The following KHDC4 variants were observed in gnomAD, a reference collection of about 807,000 sequenced individuals.
The protein encoded by KHDC4 is KH homology domain-containing protein 4.
In KHDC4, 19 loss-of-function variants were observed where a neutral mutation model predicts 74.5. The observed-to-expected ratio is 0.26, with a 90% CI of 0.18 to 0.37. KHDC4 has a LOEUF of 0.37. Among genes scored for constraint, KHDC4 ranks in the 10% least tolerant of loss-of-function variants. The pLI, the probability that KHDC4 is intolerant of heterozygous loss-of-function variation, is 1.00. For synonymous variants in KHDC4, 253 were observed against 266.1 expected, an observed-to-expected ratio of 0.95 and a Z score of 0.48; for missense variants, 632 against 754.1, an observed-to-expected ratio of 0.84 and a Z score of 1.90.
chr1:155,918,224 A>G (rs2102597880), intron 10 of KHDC4, among the ~76,000 whole-genome samples: 1 of 152,232 alleles, frequency 6.6e-6, no homozygotes, highest in South Asian at 2.1e-4. Context: ...AGCAATGGTA[A>G]TACGTGTTTT....
chr1:155,924,859 C>T (rs1305833375), intron 7 of KHDC4, among the ~76,000 whole-genome samples: 1 of 151,580 alleles, frequency 6.6e-6, no homozygotes, highest in African/African-American at 2.4e-5. Context: ...CAGGTGTGAG[C>T]CACCGCACCT....
chr1:155,919,644 A>G (rs1040027615), intron 10 of KHDC4, among the ~76,000 whole-genome samples: 9 of 152,166 alleles, frequency 5.9e-5, no homozygotes, highest in African/African-American at 2.2e-4. Context: ...CCCCATCTCC[A>G]CTAAAAATAC....
chr1:155,932,116 A>G (rs1247800885), intron 2 of KHDC4, among the ~76,000 whole-genome samples: 1 of 152,194 alleles, frequency 6.6e-6, no homozygotes, highest in Non-Finnish European at 1.5e-5. Context: ...GGAGCCTGAG[A>G]GTATTTAATT....
At chr1:155,924,999 G>C (rs1321171711) in intron 7 of KHDC4, among the ~76,000 whole-genome samples, 1 of 149,310 alleles carries the variant, frequency 6.7e-6, no homozygotes, top group East Asian at 2.0e-4. Flanking sequence ...GAGCAGCTGG[G>C]ATTAAGGTGT....
intron 8 of KHDC4, among the ~76,000 whole-genome samples, chr1:155,922,279 G>A (rs1673885084): frequency 6.6e-6 from 1 of 151,700 alleles, no homozygotes; most frequent in Admixed American, 6.6e-5. Context: ...CCAAGTAGCT[G>A]GGACTACAGG....
At position 155,921,810 on chromosome 1, in the gene KHDC4, A is replaced by C. The variant is rs760395833; in HGVS notation, c.1012+51T>G. On this transcript the variant is annotated intron_variant, in intron 9 of 13. Transcript: ENST00000368321. ...GTCTAGCCTCAAGTATCATAGTTAC[A>C]CATAACTATCACTAGCAAAATATTT... 14 of 1,421,408 alleles carry C rather than the reference A, an allele frequency of 9.8e-6. No individual in the cohort carries two copies. The Admixed American group carries it at 1.2e-4, about 13-fold the overall frequency. 88.0% of individuals were successfully genotyped at this position (1,421,408 alleles called of 1,614,324 possible). A position where few individuals can be genotyped will look rare whatever the true frequency, so the allele number is the denominator to read the frequency against.
rs895435395 is a variant in KHDC4, at chr1:155,921,863, G to A, written c.1010C>T (p.Pro337Leu). 6.2e-7 allele frequency: 1 copy of A among 1,600,138 alleles called. No homozygotes were observed. The highest frequency in any genetic ancestry group is 8.6e-7 in the Non-Finnish European group (1 of 1,169,478). ...TAAACACTTCAAGATGTACACACCT[G>A]GTAAAGGTACAGCAGTATTAATCTG... ...VNQINTAVPL[P>L]GYTQPSAISS... Residue 337 changes from proline (P) to leucine (L), a missense_variant and splice_region_variant, in exon 9 of 14, where the codon CCA (proline) becomes CTA (leucine). Around this residue, in one of 4 missense-constraint regions of KHDC4, gnomAD observed 233 missense variants for 342.6 expected, o/e 0.68. Coordinates refer to ENST00000368321, the MANE Select transcript of KHDC4 (RefSeq NM_014949.4).
intron 10 of KHDC4, among the ~76,000 whole-genome samples, chr1:155,920,699 CCAGTT>C (rs1380796149): frequency 2.0e-5 from 3 of 152,020 alleles, no homozygotes; most frequent in Admixed American, 6.6e-5. Flanking sequence ...GCCACCATGT[CCAGTT>C]AATTTTTTTT....
intron 10 of KHDC4, among the ~76,000 whole-genome samples, chr1:155,920,455 A>G (rs1017702981): frequency 1.3e-5 from 2 of 152,184 alleles, no homozygotes; most frequent in Admixed American, 1.3e-4. Flanking sequence ...AATTTTTTTA[A>G]GTATACATTT....
chr1:155,932,027 A>G (rs552638777), intron 2 of KHDC4, among the ~76,000 whole-genome samples: 5 of 152,332 alleles, frequency 3.3e-5, no homozygotes, highest in Admixed American at 1.3e-4. Context: ...TAATGTGACT[A>G]AAGGTCTAAA....
intron 2 of KHDC4, 65 bp from the exon 3 acceptor site, chr1:155,929,905 A>T: frequency 8.9e-7 from 1 of 1,124,682 alleles, no homozygotes; most frequent in Non-Finnish European, 1.2e-6. Context: ...TTTTTATTTT[A>T]TTTATTTACT....
Position 155,923,698 on chromosome 1 carries a change from A to G in KHDC4, c.894-11T>C. The G allele has an allele frequency of 6.2e-7, 1 of 1,603,834 alleles. No homozygotes were observed. Among genetic ancestry groups the G allele is most frequent in the Non-Finnish European group, 8.5e-7 (1 of 1,170,916 alleles). ...TCTGGTTTGGGGTGACTGCAAAGAA[A>G]TAACCAGGAATTCAAAGGAGAGAAA... On this transcript the variant is annotated splice_polypyrimidine_tract_variant and intron_variant, in intron 7 of 13. Transcript: ENST00000368321.
rs766690984 is a variant in KHDC4, at chr1:155,925,944, G to A, written c.682-101C>T. ...GAAATTATAGCAAAGACAGTCTCCT[G>A]TAAAACTGGGGTAGAGTGTTGGGTA... On this transcript the variant is annotated intron_variant, in intron 6 of 13. Transcript: ENST00000368321. 6.8e-6 allele frequency: 7 copies of A among 1,026,422 alleles called. No homozygotes were observed. The African/African-American group carries it at 1.1e-4, about 16-fold the overall frequency. The allele number at this position is 1,026,422 out of a possible 1,614,324, so 63.6% of individuals were successfully genotyped here.
At chr1:155,927,255 A>C (rs1674024107) in intron 4 of KHDC4, 99 bp from the exon 5 acceptor site, 1 of 926,698 alleles carries the variant, frequency 1.1e-6, no homozygotes. Flanking sequence ...TCAAGTTTCC[A>C]AATAACCAAA....
At chr1:155,925,345 T>G (rs939010672) in intron 7 of KHDC4, among the ~76,000 whole-genome samples, 10 of 151,858 alleles carry the variant, frequency 6.6e-5, no homozygotes, top group African/African-American at 2.4e-4. Context: ...TTTAAAATTT[T>G]TTTGGAGAGA....
rs149444935 is a variant in KHDC4, at chr1:155,933,797, G to A, written c.91C>T (p.Pro31Ser). 5.3e-5 allele frequency: 84 copies of A among 1,593,368 alleles called. No individual in the cohort carries two copies. In the African/African-American group the frequency reaches 9.2e-4, roughly 18 times the overall value. ...GTGACCTCCCCACCTGGGGCCGCTG[G>A]CGGGAGGAAGAGAAGTGGGGCTGGA... ...PAPAPLLFLP[P>S]AAPGGEVTSS... Residue 31 changes from proline (P) to serine (S), a missense_variant, in exon 2 of 14, where the codon CCA becomes TCA. Pro to Ser is a moderately conservative substitution (Grantham distance 74, BLOSUM62 -1). Coordinates refer to ENST00000368321, the MANE Select transcript of KHDC4 (RefSeq NM_014949.4).
chr1:155,921,843 A>G lies in KHDC4; in HGVS notation c.1012+18T>C. The G allele has an allele frequency of 6.3e-7, 1 of 1,574,904 alleles. No individual in the cohort carries two copies. Among genetic ancestry groups the G allele is most frequent in the Non-Finnish European group, 8.7e-7 (1 of 1,148,990 alleles). Reference sequence around the variant, plus strand: ...ATCACTAGCAAAATATTTTTTAAACACTTCAAGATGTACACACCTGGTAAA... The same window carrying G: ...ATCACTAGCAAAATATTTTTTAAACGCTTCAAGATGTACACACCTGGTAAA... On this transcript the variant is annotated intron_variant, in intron 9 of 13. Coordinates refer to ENST00000368321, the MANE Select transcript of KHDC4 (RefSeq NM_014949.4).
chr1:155,928,242 C>T (rs1033783457), intron 4 of KHDC4, among the ~76,000 whole-genome samples: 5 of 151,882 alleles, frequency 3.3e-5, no homozygotes, highest in Admixed American at 6.6e-5. Context: ...GGTGTGGTGG[C>T]GCATGCTTGT....
intron 13 of KHDC4, 181 bp from the exon 14 acceptor site, chr1:155,914,501 T>TCAG (rs1433369431): frequency 1.7e-6 from 1 of 577,776 alleles, no homozygotes. Context: ...AGCACCAGCA[T>TCAG]CAGCAAATGT....
Sources: allele counts gnomAD v4.1 joint callset (sites outside exome capture counted in the v4.1 genomes callset), GRCh38; gene constraint gnomAD v4.1.1; regional missense constraint gnomAD v4.1.1; transcripts MANE v1.5; gene names NCBI Gene and HGNC (gene_info 2026-07-23, HGNC 2026-07-21).